TNRC6B: variants seen among roughly 807,000 people sequenced by gnomAD.
TNRC6B encodes trinucleotide repeat-containing gene 6B protein.
In TNRC6B, 52 loss-of-function variants were observed where a neutral mutation model predicts 203.6. The observed-to-expected ratio is 0.26, with a 90% CI of 0.20 to 0.32. TNRC6B has a LOEUF of 0.32. Among genes scored for constraint, TNRC6B ranks in the 10% least tolerant of loss-of-function variants. The probability of loss-of-function intolerance (pLI) is 1.00; values close to 1 mark genes in which losing one functional copy is unlikely to be tolerated. For synonymous variants in TNRC6B, 838 were observed against 845.7 expected (o/e 0.99, Z 0.16); for missense variants, 1,923 against 2,286.2 (o/e 0.84, Z 3.24).
At chr22:40,135,027 A>C (rs959443642) in intron 3 of TNRC6B, among the ~76,000 whole-genome samples, 1 of 152,330 alleles carries the variant, frequency 6.6e-6, no homozygotes, top group African/African-American at 2.4e-5. Flanking sequence ...GGGCCCACTC[A>C]CATGGCTGGC....
intron 1 of TNRC6B, among the ~76,000 whole-genome samples, chr22:40,072,948 A>G (rs2067965614): frequency 6.6e-6 from 1 of 151,794 alleles, no homozygotes; most frequent in Admixed American, 6.6e-5. Context: ...AAGATCAGAA[A>G]TCACTTTTGC....
chr22:40,196,187 G>C (rs1385634169), intron 1 of TNRC6B, among the ~76,000 whole-genome samples: 1 of 146,242 alleles, frequency 6.8e-6, no homozygotes, highest in Non-Finnish European at 1.5e-5. Flanking sequence ...TTCTTTTTTT[G>C]AGACAGGGTC....
intron 1 of TNRC6B, among the ~76,000 whole-genome samples, chr22:40,100,510 C>G (rs934753853): frequency 6.6e-6 from 1 of 151,984 alleles, no homozygotes; most frequent in East Asian, 1.9e-4. Context: ...TCCTTAGTAG[C>G]TAGGACTACA....
intron 3 of TNRC6B, among the ~76,000 whole-genome samples, chr22:40,132,946 A>AAATAAAAAAT (rs1345632542): frequency 7.3e-5 from 5 of 68,548 alleles, no homozygotes; most frequent in Admixed American, 1.4e-4. Flanking sequence ...TCTGTCTCAA[A>AAATAAAAAAT]AAAAAAAAAA....
chr22:40,257,793 C>T (rs951138645), intron 3 of TNRC6B, among the ~76,000 whole-genome samples: 3 of 152,038 alleles, frequency 2.0e-5, no homozygotes, highest in Non-Finnish European at 4.4e-5. Flanking sequence ...GAGGCTGAGG[C>T]GGGCAGATCA....
At chr22:40,075,173 T>C in intron 1 of TNRC6B, among the ~76,000 whole-genome samples, 1 of 138,454 alleles carries the variant, frequency 7.2e-6, no homozygotes, top group Non-Finnish European at 1.6e-5. Flanking sequence ...TTTTTTTTTT[T>C]TTTTTTCTTA....
chr22:40,178,335 A>G (rs998850227), intron 1 of TNRC6B, among the ~76,000 whole-genome samples, 195 bp downstream of exon 1: 2 of 152,208 alleles, frequency 1.3e-5, no homozygotes, highest in African/African-American at 4.8e-5. Context: ...GTGGTAAAAT[A>G]TTTAGATTTT....
chr22:40,125,637 A>G, intron 2 of TNRC6B: 1 of 585,568 alleles, frequency 1.7e-6, no homozygotes, highest in Non-Finnish European at 3.0e-6. Flanking sequence ...ATAGACACAC[A>G]CACACACACA....
intron 12 of TNRC6B, among the ~76,000 whole-genome samples, chr22:40,294,902 C>T (rs766047871): frequency 7.9e-5 from 12 of 152,212 alleles, no homozygotes; most frequent in Non-Finnish European, 1.5e-4. Flanking sequence ...AGGCAGCATG[C>T]CCTGTAGTGG....
At chr22:40,078,385 G>A (rs1054731910) in intron 1 of TNRC6B, among the ~76,000 whole-genome samples, 27 of 152,194 alleles carry the variant, frequency 1.8e-4, no homozygotes, top group African/African-American at 6.0e-4. Flanking sequence ...TTAGCCAGAT[G>A]TGGTGGCACA....
In TNRC6B at chr22:40,265,111, G is replaced by C. The variant is rs1175432334; in HGVS notation, c.881G>C (p.Gly294Ala). The C allele has an allele frequency of 6.2e-7, 1 of 1,613,982 alleles. No homozygotes were observed. The highest frequency in any genetic ancestry group is 1.7e-5 in the Admixed American group (1 of 60,026). The part of the protein sequence containing the change: ...WRNVSGQDRI[G>A]PGSGFSNFNP... ...AATGTGAGTGGTCAGGATAGAATTG[G>C]ACCTGGCTCTGGCTTCAGCAACTTT... The change falls in exon 5 of 23, where the codon GGA becomes GCA. Residue 294 changes from glycine to alanine, a missense_variant. Transcript: ENST00000454349.
intron 1 of TNRC6B, among the ~76,000 whole-genome samples, chr22:40,232,305 A>G (rs1306243199): frequency 6.6e-6 from 1 of 152,220 alleles, no homozygotes; most frequent in East Asian, 1.9e-4. Flanking sequence ...AAACTGGAAC[A>G]TGTTTAAGGG....
intron 1 of TNRC6B, among the ~76,000 whole-genome samples, chr22:40,222,728 C>CCTTTTTTT (rs2069728112): frequency 2.5e-5 from 1 of 40,184 alleles, no homozygotes; most frequent in Non-Finnish European, 4.0e-5. Flanking sequence ...CTCTCTCTCT[C>CCTTTTTTT]TTTTTTTTTT....
At chr22:40,212,448 A>C (rs1194828718) in intron 1 of TNRC6B, among the ~76,000 whole-genome samples, 2 of 152,060 alleles carry the variant, frequency 1.3e-5, no homozygotes, top group Non-Finnish European at 2.9e-5. Context: ...TATTGCCAGG[A>C]TTTATTATTT....
In TNRC6B at chr22:40,285,745, T is replaced by C; in HGVS notation, c.3683T>C (p.Val1228Ala). 6.2e-7 allele frequency: 1 copy of C among 1,613,976 alleles called. No individual in the cohort carries two copies. The highest frequency in any genetic ancestry group is 8.5e-7 in the Non-Finnish European group (1 of 1,179,884). Reference sequence around the variant, plus strand: ...TCTTCTCCCAGTCTCCGGGCGCAAGTGCCTCCCCAGTTTATTTCCCCCCAG... The same window carrying C: ...TCTTCTCCCAGTCTCCGGGCGCAAGCGCCTCCCCAGTTTATTTCCCCCCAG... ...LNSSPSLRAQ[V>A]PPQFISPQVS... The change falls in exon 12 of 23, where the codon GTG (valine) becomes GCG (alanine). Residue 1228 changes from valine (V) to alanine (A), a missense_variant. Val to Ala is a moderately conservative substitution (Grantham distance 64). Around this residue, in one of 8 missense-constraint regions of TNRC6B, gnomAD observed 242 missense variants for 399.5 expected, o/e 0.61. Coordinates refer to ENST00000454349, the MANE Select transcript of TNRC6B (RefSeq NM_001162501.2).
intron 3 of TNRC6B, among the ~76,000 whole-genome samples, chr22:40,261,408 C>T (rs1601929424): frequency 6.6e-6 from 1 of 152,114 alleles, no homozygotes; most frequent in African/African-American, 2.4e-5. Flanking sequence ...GAAAACCTGT[C>T]TGTACTAAAA....
intron 15 of TNRC6B, chr22:40,301,560 G>T: frequency 1.8e-6 from 1 of 546,382 alleles, no homozygotes; most frequent in Non-Finnish European, 3.2e-6. Flanking sequence ...TAACTTCTCT[G>T]GCTCCAAAGC....
chr22:40,103,134 G>A (rs1239504375), intron 1 of TNRC6B, among the ~76,000 whole-genome samples: 2 of 151,658 alleles, frequency 1.3e-5, no homozygotes, highest in African/African-American at 2.4e-5. Context: ...TGGTCATGAT[G>A]GCATGTGCTT....
At chr22:40,319,818 C>A (rs185940132) in intron 21 of TNRC6B, among the ~76,000 whole-genome samples, 23 of 152,264 alleles carry the variant, frequency 1.5e-4, no homozygotes, top group African/African-American at 5.1e-4. Flanking sequence ...ACTTAGAGTT[C>A]GGTACTATTG....
Sources: gnomAD v4.1 joint callset for allele counts (sites outside exome capture counted in the v4.1 genomes callset) on GRCh38, gnomAD v4.1.1 for gene constraint, gnomAD v4.1.1 regional missense constraint, MANE v1.5 for transcripts, NCBI Gene and HGNC (gene_info 2026-07-23, HGNC 2026-07-21) for gene names.